The following CLEC16A variants were observed in gnomAD, a reference collection of about 807,000 sequenced individuals.
CLEC16A encodes protein CLEC16A.
Under a neutral mutation model 109.5 loss-of-function variants are expected in CLEC16A, and 51 were observed. The observed-to-expected ratio is 0.47, with a 90% CI of 0.37 to 0.59. CLEC16A has a LOEUF of 0.59. Ranked by LOEUF, CLEC16A falls within the 20% of genes least tolerant of loss-of-function variation. The pLI is 0.00. For synonymous variants in CLEC16A, 673 were observed against 564.2 expected (o/e 1.19, Z -2.73); for missense variants, 1,339 against 1,394.0 (o/e 0.96, Z 0.63).
chr16:11,065,127 C>T (rs949449094), intron 19 of CLEC16A, among the ~76,000 whole-genome samples: 3 of 152,236 alleles, frequency 2.0e-5, no homozygotes, highest in African/African-American at 7.2e-5. Flanking sequence ...GACTCACTCA[C>T]TCCAGTGTGC....
chr16:11,067,514 T>G (rs1263718492), intron 19 of CLEC16A, among the ~76,000 whole-genome samples: 3 of 150,864 alleles, frequency 2.0e-5, no homozygotes, highest in South Asian at 2.1e-4. Context: ...GGCCACAGAG[T>G]CGGGGAGTGG....
intron 18 of CLEC16A, among the ~76,000 whole-genome samples, chr16:11,054,331 A>G (rs1259222520): frequency 2.6e-5 from 4 of 152,206 alleles, no homozygotes; most frequent in African/African-American, 9.7e-5. Context: ...CTGTCAAGTA[A>G]AATGTGCCTG....
intron 8 of CLEC16A, among the ~76,000 whole-genome samples, chr16:10,977,893 T>C (rs1484210576): frequency 1.3e-5 from 2 of 150,970 alleles, no homozygotes; most frequent in African/African-American, 4.9e-5. Flanking sequence ...AGAGACAGAG[T>C]GTGTGTGTGT....
chr16:10,963,780 G>C (rs2042369289), intron 3 of CLEC16A, among the ~76,000 whole-genome samples: 1 of 152,236 alleles, frequency 6.6e-6, no homozygotes. Flanking sequence ...CAGGCGATTA[G>C]CTCAGTGGTC....
intron 23 of CLEC16A, among the ~76,000 whole-genome samples, chr16:11,173,946 C>T (rs1479538049): frequency 2.0e-5 from 3 of 152,180 alleles, no homozygotes; most frequent in Non-Finnish European, 2.9e-5. Flanking sequence ...CCTGCCTCAT[C>T]CTGGGGGTTG....
chr16:11,047,546 A>G (rs1444527445), intron 17 of CLEC16A: 1 of 413,164 alleles, frequency 2.4e-6, no homozygotes, highest in Non-Finnish European at 4.3e-6. Flanking sequence ...CTAACATGGG[A>G]GGTGTCCGAT....
intron 19 of CLEC16A, among the ~76,000 whole-genome samples, chr16:11,095,004 C>T (rs1273784735): frequency 6.6e-6 from 1 of 152,100 alleles, no homozygotes; most frequent in African/African-American, 2.4e-5. Flanking sequence ...CTACTTTCTT[C>T]TTAGCAGGTG....
chr16:10,963,136 A>T (rs576156884), intron 3 of CLEC16A, among the ~76,000 whole-genome samples: 21 of 151,998 alleles, frequency 1.4e-4, no homozygotes, highest in African/African-American at 4.8e-4. Flanking sequence ...CCTGGCTTGC[A>T]GACGGCCACC....
intron 20 of CLEC16A, among the ~76,000 whole-genome samples, chr16:11,121,917 C>T (rs532535440): frequency 7.2e-6 from 1 of 138,602 alleles, no homozygotes; most frequent in Admixed American, 7.4e-5. Context: ...AGTTTGTCAA[C>T]GTGATAGATA....
chr16:11,077,486 A>AAG (rs2049442905), intron 19 of CLEC16A, among the ~76,000 whole-genome samples: 2 of 151,094 alleles, frequency 1.3e-5, no homozygotes, highest in African/African-American at 2.4e-5. Flanking sequence ...AAAAAAAAAA[A>AAG]AAAGAAAGAA....
intron 1 of CLEC16A, among the ~76,000 whole-genome samples, chr16:10,946,602 G>A (rs2145590210): frequency 6.6e-6 from 1 of 152,222 alleles, no homozygotes. Context: ...GGCTGAGGAG[G>A]GGAGGGGAGT....
intron 10 of CLEC16A, among the ~76,000 whole-genome samples, chr16:10,990,526 G>A (rs2043943520): frequency 6.6e-6 from 1 of 152,214 alleles, no homozygotes; most frequent in Non-Finnish European, 1.5e-5. Flanking sequence ...TTTTGGCCTT[G>A]GGCCAGCTAG....
intron 11 of CLEC16A, among the ~76,000 whole-genome samples, chr16:11,018,960 C>A (rs779391257): frequency 3.9e-5 from 6 of 152,184 alleles, no homozygotes; most frequent in East Asian, 1.9e-4. Flanking sequence ...GAGCTAATTT[C>A]ATTAAAATCA....
chr16:10,971,029 T>A, intron 4 of CLEC16A, 96 bp from the exon 5 acceptor site: 1 of 641,268 alleles, frequency 1.6e-6, no homozygotes, highest in Non-Finnish European at 2.6e-6. Flanking sequence ...TTTTTTTGTC[T>A]TTTTCTGAAG....
chr16:11,168,833 T>C (rs766744830), intron 23 of CLEC16A, among the ~76,000 whole-genome samples: 5 of 152,250 alleles, frequency 3.3e-5, no homozygotes, highest in Admixed American at 1.3e-4. Flanking sequence ...ACAGCTTTGT[T>C]GGGATAGGAG....
At chr16:11,172,916 T>C (rs1458393721) in intron 23 of CLEC16A, among the ~76,000 whole-genome samples, 1 of 151,952 alleles carries the variant, frequency 6.6e-6, no homozygotes, top group Non-Finnish European at 1.5e-5. Flanking sequence ...AAAACCACAT[T>C]GGGTTATGAG....
At chr16:11,085,922 G>C (rs1480010126) in intron 19 of CLEC16A, among the ~76,000 whole-genome samples, 1 of 152,132 alleles carries the variant, frequency 6.6e-6, no homozygotes, top group African/African-American at 2.4e-5. Context: ...AGATTGGGCG[G>C]GGACAAACAT....
intron 16 of CLEC16A, among the ~76,000 whole-genome samples, chr16:11,046,346 G>A (rs533410466): frequency 6.6e-6 from 1 of 151,990 alleles, no homozygotes; most frequent in Non-Finnish European, 1.5e-5. Flanking sequence ...GCTTTTAGAT[G>A]TTTTCAGGAA....
At chr16:11,054,220 C>G (rs1331095517) in intron 18 of CLEC16A, among the ~76,000 whole-genome samples, 1 of 152,196 alleles carries the variant, frequency 6.6e-6, no homozygotes, top group Non-Finnish European at 1.5e-5. Flanking sequence ...GCAGATGGTC[C>G]TGATCCACAG....
Sources: gnomAD v4.1 joint callset for allele counts (sites outside exome capture counted in the v4.1 genomes callset) on GRCh38, gnomAD v4.1.1 for gene constraint, MANE v1.5 for transcripts, NCBI Gene and HGNC (gene_info 2026-07-23, HGNC 2026-07-21) for gene names.